HOXC4: variants seen among roughly 807,000 people sequenced by gnomAD.
HOXC4 encodes homeobox protein Hox-C4.
In HOXC4, 15 loss-of-function variants were observed where a neutral mutation model predicts 25.5. The ratio of observed to expected loss-of-function variants is 0.59; its 90% CI spans 0.39 to 0.91. The LOEUF is 0.91. Ranked by LOEUF, HOXC4 falls within the 40% of genes least tolerant of loss-of-function variation. The pLI, the probability that HOXC4 is intolerant of heterozygous loss-of-function variation, is 0.00. For synonymous variants in HOXC4, 165 were observed against 148.0 expected (o/e 1.11, Z -0.83); for missense variants, 342 against 352.4 (o/e 0.97, Z 0.24).
chr12:54,032,843 T>A, intron 1 of HOXC4: 4 of 161,842 alleles, frequency 2.5e-5, no homozygotes, highest in Non-Finnish European at 3.7e-5. Flanking sequence ...TCTCACTCCC[T>A]CTCCCCCTTG....
chr12:54,025,483 GA>G (rs1165921589), intron 1 of HOXC4, among the ~76,000 whole-genome samples: 6 of 140,538 alleles, frequency 4.3e-5, no homozygotes, highest in African/African-American at 1.3e-4. Context: ...AAAGATCTAA[GA>G]GAAAGAAGAG....
chr12:54,019,421 G>T (rs1940326426), intron 1 of HOXC4, among the ~76,000 whole-genome samples: 1 of 152,200 alleles, frequency 6.6e-6, no homozygotes, highest in Non-Finnish European at 1.5e-5. Context: ...GGCAAAGGGA[G>T]TGCGGTGGGA....
upstream of HOXC4, among the ~76,000 whole-genome samples, chr12:54,052,574 G>T (rs1464680878): frequency 2.0e-5 from 3 of 150,544 alleles, no homozygotes; most frequent in East Asian, 3.9e-4. Context: ...CTAGCTGGGG[G>T]GGGGGGGTGG....
chr12:54,040,571 T>G (rs1476557587), intron 1 of HOXC4, among the ~76,000 whole-genome samples: 1 of 152,238 alleles, frequency 6.6e-6, no homozygotes, highest in East Asian at 1.9e-4. Context: ...CACAAGGATG[T>G]GAAGTTGTGG....
chr12:54,034,570 T>C, intron 1 of HOXC4: 1 of 1,257,284 alleles, frequency 8.0e-7, no homozygotes, highest in Non-Finnish European at 1.1e-6. Context: ...CTTTCCTCTC[T>C]ATATTTCGGG....
intron 1 of HOXC4, among the ~76,000 whole-genome samples, chr12:54,025,812 C>T (rs1940669458): frequency 6.6e-6 from 1 of 152,120 alleles, no homozygotes; most frequent in Non-Finnish European, 1.5e-5. Context: ...AGAGAATCTC[C>T]CCAACTTTGG....
chr12:54,039,298 GC>G (rs1941234100), intron 1 of HOXC4, among the ~76,000 whole-genome samples: 1 of 152,128 alleles, frequency 6.6e-6, no homozygotes, highest in Non-Finnish European at 1.5e-5. Context: ...TGTTAGCCTC[GC>G]CCCCGCTGCT....
chr12:54,017,648 G>T (rs1940214941), intron 1 of HOXC4, among the ~76,000 whole-genome samples: 2 of 152,232 alleles, frequency 1.3e-5, no homozygotes, highest in Non-Finnish European at 1.5e-5. Flanking sequence ...TGCCAAGTTG[G>T]GGGTGGGGAG....
exon 1 of HOXC4, chr12:54,017,184 C>T (rs1946172519): frequency 6.6e-6 from 1 of 152,222 alleles, no homozygotes; most frequent in South Asian, 2.1e-4. Flanking sequence ...GATGCCTCCG[C>T]CCCTCCTCTC....
chr12:54,041,659 T>C lies in HOXC4; in HGVS notation c.-123-11501T>C, dbSNP rs544261684. Among the ~76,000 whole-genome samples the C allele has an allele frequency of 2.0e-5, 3 of 152,332 alleles. No homozygotes were observed. In the East Asian group the frequency reaches 5.8e-4, roughly 29 times the overall value. On this transcript the variant is annotated intron_variant, in intron 1 of 3. Transcript: ENST00000303406. ...AATCATTGAGCCCTCACTTTTCAAG[T>C]TACCTTCAACCACACTGCTCCATCT...
At chr12:54,026,673 C>T (rs981022562) in intron 1 of HOXC4, among the ~76,000 whole-genome samples, 1 of 152,182 alleles carries the variant, frequency 6.6e-6, no homozygotes, top group Non-Finnish European at 1.5e-5. Context: ...ACTCTTCAAC[C>T]CCCTAACGAG....
intron 1 of HOXC4, chr12:54,033,327 G>A (rs369572312): frequency 1.2e-6 from 2 of 1,613,472 alleles, no homozygotes; most frequent in Non-Finnish European, 1.7e-6. Flanking sequence ...CAACCCCCGG[G>A]CTCACCCCGA....
chr12:54,033,289 A>G (rs1460220361), intron 1 of HOXC4: 1 of 1,613,642 alleles, frequency 6.2e-7, no homozygotes, highest in Admixed American at 1.7e-5. Flanking sequence ...GCGCCTTCCA[A>G]CTCTCTCCAC....
intron 1 of HOXC4, among the ~76,000 whole-genome samples, chr12:54,036,674 T>TGC (rs942557801): frequency 7.0e-6 from 1 of 142,626 alleles, no homozygotes; most frequent in African/African-American, 3.0e-5. Context: ...CCCAGACCAG[T>TGC]GCTCTCTCTC....
At chr12:54,026,984 CT>C (rs1461636664) in intron 1 of HOXC4, among the ~76,000 whole-genome samples, 1 of 147,228 alleles carries the variant, frequency 6.8e-6, no homozygotes, top group Non-Finnish European at 1.5e-5. Flanking sequence ...GGGATATGAG[CT>C]TTCTCTGCTC....
chr12:54,031,208 G>A (rs1940972563), intron 1 of HOXC4, among the ~76,000 whole-genome samples: 1 of 152,214 alleles, frequency 6.6e-6, no homozygotes, highest in Admixed American at 6.5e-5. Flanking sequence ...GCACTATCCA[G>A]GCACCAGGGT....
At chr12:54,045,250 C>T (rs372566264) in intron 1 of HOXC4, among the ~76,000 whole-genome samples, 15 of 152,342 alleles carry the variant, frequency 9.8e-5, no homozygotes, top group African/African-American at 3.1e-4. Flanking sequence ...ATGTCTATAT[C>T]AGGATGTATG....
chr12:54,040,562 A>T (rs1159482743), intron 1 of HOXC4, among the ~76,000 whole-genome samples: 2 of 152,228 alleles, frequency 1.3e-5, no homozygotes, highest in African/African-American at 2.4e-5. Flanking sequence ...TCTCAAATGC[A>T]CAAGGATGTG....
chr12:54,039,753 A>G (rs1319860543), intron 1 of HOXC4, among the ~76,000 whole-genome samples: 1 of 151,914 alleles, frequency 6.6e-6, no homozygotes, highest in Non-Finnish European at 1.5e-5. Flanking sequence ...CAGCCTCCCC[A>G]GGGCTCTAGG....
Sources: allele counts gnomAD v4.1 joint callset (sites outside exome capture counted in the v4.1 genomes callset), GRCh38; gene constraint gnomAD v4.1.1; transcripts MANE v1.5; gene names NCBI Gene and HGNC (gene_info 2026-07-23, HGNC 2026-07-21).